The following SNX7 variants were observed in gnomAD, a reference collection of about 807,000 sequenced individuals.
SNX7 encodes sorting nexin-7.
In SNX7, 35 loss-of-function variants were observed where a neutral mutation model predicts 48.4. That is an observed-to-expected ratio of 0.72 (90% CI 0.55 to 0.96). SNX7 has a LOEUF of 0.96. Ranked by LOEUF, SNX7 falls within the 40% of genes least tolerant of loss-of-function variation. The pLI, the probability that SNX7 is intolerant of heterozygous loss-of-function variation, is 0.00. For missense variants in SNX7, 553 were observed against 548.9 expected (o/e 1.01, Z -0.07); for synonymous variants, 190 against 190.2 (o/e 1.00, Z 0.01).
intron 5 of SNX7, among the ~76,000 whole-genome samples, chr1:98,697,437 A>G (rs962017120): frequency 6.6e-6 from 1 of 152,134 alleles, no homozygotes; most frequent in Non-Finnish European, 1.5e-5. Flanking sequence ...ATAGTGAACA[A>G]AAAACGGTCA....
chr1:98,744,364 A>G (rs1238413588), intron 8 of SNX7, among the ~76,000 whole-genome samples: 1 of 152,024 alleles, frequency 6.6e-6, no homozygotes, highest in African/African-American at 2.4e-5. Flanking sequence ...ACCATGGATC[A>G]TGGAAACAAA....
At position 98,688,473 on chromosome 1, in the gene SNX7, C is replaced by G. The variant is rs900229352; in HGVS notation, c.364-2602C>G. Among the ~76,000 whole-genome samples, 3 of 152,248 alleles carry G rather than the reference C, an allele frequency of 2.0e-5. No homozygotes were observed. In the East Asian group the frequency reaches 5.8e-4, roughly 29 times the overall value. On this transcript the variant is annotated intron_variant, in intron 2 of 8. Transcript: ENST00000306121. ...TAACAAGGTACTTTCCTTCCACTTCCTCTTTGTGAAAACAAACCTATAAAT... is the reference window on the plus strand; with the variant it reads ...TAACAAGGTACTTTCCTTCCACTTCGTCTTTGTGAAAACAAACCTATAAAT...
chr1:98,729,937 C>G (rs561229402), intron 7 of SNX7, among the ~76,000 whole-genome samples: 7 of 152,216 alleles, frequency 4.6e-5, no homozygotes, highest in African/African-American at 1.4e-4. Context: ...GATACCAAAA[C>G]CTGGCAGAAA....
intron 7 of SNX7, among the ~76,000 whole-genome samples, 168 bp from the exon 8 acceptor site, chr1:98,738,069 C>T (rs1466916809): frequency 2.6e-5 from 4 of 152,106 alleles, no homozygotes; most frequent in African/African-American, 9.7e-5. Flanking sequence ...CCTGACTGAA[C>T]CCCTGTTCTT....
At chr1:98,696,612 T>G (rs1651473880) in intron 5 of SNX7, among the ~76,000 whole-genome samples, 1 of 152,130 alleles carries the variant, frequency 6.6e-6, no homozygotes, top group Non-Finnish European at 1.5e-5. Flanking sequence ...GCATGTACTT[T>G]GCCCCTTTTC....
chr1:98,661,668 G>A (rs894510966), upstream of SNX7: 52 of 1,181,714 alleles, frequency 4.4e-5, 1 homozygote, highest in Non-Finnish European at 5.0e-5. Context: ...GGGAGCCAAT[G>A]GGCACGCTCG....
intron 7 of SNX7, among the ~76,000 whole-genome samples, chr1:98,731,478 T>A (rs1653511403): frequency 6.6e-6 from 1 of 152,096 alleles, no homozygotes; most frequent in African/African-American, 2.4e-5. Context: ...AGTAGAAAAA[T>A]TTTCAGTTAT....
chr1:98,691,000 A>G (rs2100952349), intron 2 of SNX7, 75 bp from the exon 3 acceptor site: 4 of 828,726 alleles, frequency 4.8e-6, no homozygotes, highest in Admixed American at 3.0e-5. Flanking sequence ...TTATTTCACA[A>G]TGTCTAAAAT....
At chr1:98,699,265 C>T (rs1651632054) in intron 6 of SNX7, among the ~76,000 whole-genome samples, 1 of 152,128 alleles carries the variant, frequency 6.6e-6, no homozygotes, top group African/African-American at 2.4e-5. Flanking sequence ...TCTCCTGCTT[C>T]TAGGTACATT....
intron 8 of SNX7, among the ~76,000 whole-genome samples, chr1:98,748,170 G>A (rs192250325): frequency 2.8e-4 from 43 of 151,748 alleles, no homozygotes; most frequent in Admixed American, 1.1e-3. Context: ...ATTTTTAGTG[G>A]AGACGAGGGT....
At chr1:98,730,472 T>G (rs1263690524) in intron 7 of SNX7, among the ~76,000 whole-genome samples, 3 of 152,070 alleles carry the variant, frequency 2.0e-5, no homozygotes, top group African/African-American at 4.8e-5. Context: ...GCTGTCTTGT[T>G]TCCAGATGAC....
intron 1 of SNX7, among the ~76,000 whole-genome samples, chr1:98,668,998 A>G (rs1649692185): frequency 6.6e-6 from 1 of 152,180 alleles, no homozygotes; most frequent in African/African-American, 2.4e-5. Flanking sequence ...AACTTACTAA[A>G]TTTAACTGTA....
At chr1:98,716,660 T>C (rs1359336781) in intron 7 of SNX7, among the ~76,000 whole-genome samples, 2 of 152,078 alleles carry the variant, frequency 1.3e-5, no homozygotes, top group African/African-American at 4.8e-5. Flanking sequence ...GCTAGTTAAA[T>C]AGAAGAGCCA....
At chr1:98,731,212 A>G (rs1653492430) in intron 7 of SNX7, among the ~76,000 whole-genome samples, 1 of 151,580 alleles carries the variant, frequency 6.6e-6, no homozygotes, top group African/African-American at 2.4e-5. Flanking sequence ...TGTTTTTTAT[A>G]AGAATAAAAA....
At chr1:98,690,668 G>A (rs1324670012) in intron 2 of SNX7, among the ~76,000 whole-genome samples, 2 of 151,980 alleles carry the variant, frequency 1.3e-5, no homozygotes, top group Non-Finnish European at 2.9e-5. Flanking sequence ...GCAAAAATAG[G>A]ACTTTCCTCA....
At chr1:98,685,103 G>A in intron 2 of SNX7, 36 bp downstream of exon 2, 5 of 1,317,290 alleles carry the variant, frequency 3.8e-6, no homozygotes, top group Non-Finnish European at 5.0e-6. Flanking sequence ...GAATATAGCT[G>A]CTTTTTTTTA....
intron 1 of SNX7, among the ~76,000 whole-genome samples, chr1:98,674,499 C>G (rs565501525): frequency 2.0e-4 from 30 of 152,266 alleles, no homozygotes; most frequent in African/African-American, 7.2e-4. Context: ...AGAAAGATAG[C>G]AGTCGTAATT....
At chr1:98,759,920 A>G (rs971566547) in intron 8 of SNX7, 134 bp from the exon 9 acceptor site, 3 of 592,520 alleles carry the variant, frequency 5.1e-6, no homozygotes, top group African/African-American at 3.7e-5. Context: ...GAAAATGACA[A>G]GGATTCTGAC....
chr1:98,733,787 G>T (rs1447319768), intron 7 of SNX7, among the ~76,000 whole-genome samples: 2 of 151,948 alleles, frequency 1.3e-5, no homozygotes, highest in African/African-American at 4.8e-5. Flanking sequence ...GAACCAACCA[G>T]ATCCTCCCTA....
Sources: allele counts gnomAD v4.1 joint callset (sites outside exome capture counted in the v4.1 genomes callset), GRCh38; gene constraint gnomAD v4.1.1; transcripts MANE v1.5; gene names NCBI Gene and HGNC (gene_info 2026-07-23, HGNC 2026-07-21).